TBC1D22A: variants seen among roughly 807,000 people sequenced by gnomAD.
The protein encoded by TBC1D22A is TBC1 domain family member 22A.
A neutral mutation model predicts 60.2 loss-of-function variants in TBC1D22A; 38 were observed. The ratio of observed to expected loss-of-function variants is 0.63; its 90% CI spans 0.49 to 0.83. The LOEUF (loss-of-function observed/expected upper bound fraction) is 0.83. Ranked by LOEUF, TBC1D22A falls within the 40% of genes least tolerant of loss-of-function variation. The pLI, the probability that TBC1D22A is intolerant of heterozygous loss-of-function variation, is 0.00. For synonymous variants in TBC1D22A, 302 were observed against 281.7 expected, an observed-to-expected ratio of 1.07 and a Z score of -0.72; for missense variants, 628 against 701.0, an observed-to-expected ratio of 0.90 and a Z score of 1.18.
chr22:46,887,812 A>G (rs2068196436), intron 5 of TBC1D22A, among the ~76,000 whole-genome samples: 1 of 152,152 alleles, frequency 6.6e-6, no homozygotes, highest in Non-Finnish European at 1.5e-5. Context: ...AGTATGCTAT[A>G]CTTCAATAAG....
intron 11 of TBC1D22A, among the ~76,000 whole-genome samples, chr22:47,070,667 G>C (rs1603232037): frequency 7.1e-6 from 1 of 141,228 alleles, no homozygotes; most frequent in South Asian, 2.5e-4. Flanking sequence ...GCTGTTCCCT[G>C]TTGTTTGGCT....
intron 4 of TBC1D22A, among the ~76,000 whole-genome samples, chr22:46,877,541 G>C (rs183716260): frequency 6.6e-6 from 1 of 152,308 alleles, no homozygotes; most frequent in Admixed American, 6.5e-5. Context: ...GGGAAGATTT[G>C]ATATTTTCTG....
chr22:47,014,104 A>G (rs55641454), intron 10 of TBC1D22A, among the ~76,000 whole-genome samples: 36,707 of 152,078 alleles, frequency 0.24, 4,752 homozygotes, highest in East Asian at 0.29. Flanking sequence ...TGTCCCCGCC[A>G]TGCCCCTCTT....
At chr22:46,791,236 G>A (rs1486846329) in intron 1 of TBC1D22A, among the ~76,000 whole-genome samples, 1 of 152,056 alleles carries the variant, frequency 6.6e-6, no homozygotes, top group Non-Finnish European at 1.5e-5. Context: ...TGCCCAGGCT[G>A]GTCCTAAACT....
At chr22:47,169,520 C>A (rs1362214380) in intron 12 of TBC1D22A, among the ~76,000 whole-genome samples, 2 of 152,184 alleles carry the variant, frequency 1.3e-5, no homozygotes, top group Non-Finnish European at 2.9e-5. Context: ...CCAGGCCATG[C>A]AGCGAGAGTC....
At chr22:46,805,834 C>CCTTCTT (rs138362506) in intron 4 of TBC1D22A, among the ~76,000 whole-genome samples, 8 of 139,422 alleles carry the variant, frequency 5.7e-5, no homozygotes, top group African/African-American at 1.6e-4. Context: ...GTCTTTCTGT[C>CCTTCTT]CTTCTTCTTC....
chr22:46,763,393 A>AGTTTT (rs2083172953), intron 1 of TBC1D22A: 1 of 109,916 alleles, frequency 9.1e-6, no homozygotes, highest in African/African-American at 3.4e-5. Flanking sequence ...GTTAGCAGGA[A>AGTTTT]GTTTTTTTTT....
chr22:46,965,271 G>A lies in TBC1D22A; in HGVS notation c.1016-9019G>A, dbSNP rs577005818. Among the ~76,000 whole-genome samples the A allele has an allele frequency of 1.4e-4, 21 of 152,334 alleles. No homozygotes were observed. The South Asian group carries it at 2.5e-3, about 18-fold the overall frequency. ...GCAAGGACACCTTCTCCACACCAGC[G>A]TGCCATTTTGCCATCTGACCTGTGG... On this transcript the variant is annotated intron_variant, in intron 8 of 12. Transcript: ENST00000337137.
chr22:46,901,668 G>A (rs903858855), intron 7 of TBC1D22A, among the ~76,000 whole-genome samples: 1 of 151,740 alleles, frequency 6.6e-6, no homozygotes. Flanking sequence ...GATTTCTACA[G>A]TTCGATTTTG....
chr22:47,165,055 A>G (rs112576269), intron 12 of TBC1D22A, among the ~76,000 whole-genome samples: 3,238 of 152,228 alleles, frequency 0.021, 78 homozygotes, highest in African/African-American at 0.059. Flanking sequence ...CAGCCTCTCC[A>G]CAGGGCAGGG....
At chr22:46,967,444 A>G (rs1394811777) in intron 8 of TBC1D22A, among the ~76,000 whole-genome samples, 1 of 152,240 alleles carries the variant, frequency 6.6e-6, no homozygotes, top group Non-Finnish European at 1.5e-5. Flanking sequence ...TCTTGCTTAT[A>G]AAACAGAACA....
At chr22:46,832,168 C>T (rs906026129) in intron 4 of TBC1D22A, among the ~76,000 whole-genome samples, 2 of 152,188 alleles carry the variant, frequency 1.3e-5, no homozygotes, top group Non-Finnish European at 2.9e-5. Flanking sequence ...ATCTGAGAGA[C>T]AGTCCATGCA....
chr22:47,091,307 G>GT (rs1569437277), intron 11 of TBC1D22A, among the ~76,000 whole-genome samples: 42 of 104,710 alleles, frequency 4.0e-4, no homozygotes, highest in South Asian at 7.5e-4. Context: ...GTCGTCTTTG[G>GT]GTGGCTGCGT....
chr22:46,985,993 A>G (rs1439549619), intron 9 of TBC1D22A, among the ~76,000 whole-genome samples: 1 of 151,936 alleles, frequency 6.6e-6, no homozygotes, highest in Admixed American at 6.6e-5. Flanking sequence ...TGTCCTGCCT[A>G]CCTCCACAAT....
intron 12 of TBC1D22A, among the ~76,000 whole-genome samples, chr22:47,169,811 CATTA>C (rs1427175631): frequency 2.6e-5 from 4 of 152,172 alleles, no homozygotes; most frequent in Non-Finnish European, 5.9e-5. Context: ...CAGATGTGGC[CATTA>C]ATTGTTTATG....
Position 46,907,615 on chromosome 22 carries a change from C to T in TBC1D22A, c.901-4459C>T, listed in dbSNP as rs538638600. Among the ~76,000 whole-genome samples the T allele has an allele frequency of 9.2e-5, 14 of 152,300 alleles. No individual in the cohort carries two copies. The East Asian group carries it at 1.9e-3, about 21-fold the overall frequency. On this transcript the variant is annotated intron_variant, in intron 7 of 12. Transcript: ENST00000337137. ...CCACCGTCCTCGCCTCCACCATCCT[C>T]GCCTCCACCATCTGCGCCTCCACCA...
chr22:46,904,452 T>C (rs1225472981), intron 7 of TBC1D22A, among the ~76,000 whole-genome samples: 1 of 150,836 alleles, frequency 6.6e-6, no homozygotes, highest in Non-Finnish European at 1.5e-5. Context: ...GCTTGCCTGC[T>C]GGTGACCAGG....
chr22:46,965,414 G>A (rs1291222695), intron 8 of TBC1D22A, among the ~76,000 whole-genome samples: 3 of 152,206 alleles, frequency 2.0e-5, no homozygotes, highest in African/African-American at 4.8e-5. Context: ...CCTGGATTCC[G>A]ACGGCCCCCG....
At chr22:47,006,006 A>G (rs1259949047) in intron 10 of TBC1D22A, among the ~76,000 whole-genome samples, 3 of 151,898 alleles carry the variant, frequency 2.0e-5, no homozygotes, top group Non-Finnish European at 4.4e-5. Flanking sequence ...ACAGGTGCCT[A>G]TACATGCACA....
Sources: allele counts gnomAD v4.1 joint callset (sites outside exome capture counted in the v4.1 genomes callset), GRCh38; gene constraint gnomAD v4.1.1; transcripts MANE v1.5; gene names NCBI Gene and HGNC (gene_info 2026-07-23, HGNC 2026-07-21).